SMYD1: variants seen among roughly 807,000 people sequenced by gnomAD.
The protein encoded by SMYD1 is histone-lysine N-methyltransferase SMYD1.
A neutral mutation model predicts 54.0 loss-of-function variants in SMYD1; 49 were observed. The observed-to-expected ratio is 0.91, with a 90% CI of 0.72 to 1.15. SMYD1 has a LOEUF of 1.15. Ranked by LOEUF, SMYD1 falls within the 50% of genes most tolerant of loss-of-function variation. The probability of loss-of-function intolerance (pLI) is 0.00; values close to 1 mark genes in which losing one functional copy is unlikely to be tolerated. For synonymous variants in SMYD1, 269 were observed against 234.2 expected (o/e 1.15, Z -1.36); for missense variants, 653 against 639.6 (o/e 1.02, Z -0.23).
chr2:88,105,277 T>C (rs1674834274), intron 7 of SMYD1, among the ~76,000 whole-genome samples: 1 of 152,160 alleles, frequency 6.6e-6, no homozygotes, highest in African/African-American at 2.4e-5. Context: ...GTGCTTCAGT[T>C]TTCTCATCTC....
intron 8 of SMYD1, among the ~76,000 whole-genome samples, chr2:88,107,157 C>A (rs183200099): frequency 6.6e-6 from 1 of 151,810 alleles, no homozygotes; most frequent in Non-Finnish European, 1.5e-5. Context: ...GCCTAGACTG[C>A]GCCACTGCAC....
At chr2:88,092,602 A>G (rs1219454466) in intron 4 of SMYD1, among the ~76,000 whole-genome samples, 1 of 152,212 alleles carries the variant, frequency 6.6e-6, no homozygotes, top group Non-Finnish European at 1.5e-5. Context: ...CAGGCTCTTA[A>G]GTAATTGAGA....
chr2:88,100,009 G>T (rs1387220395), intron 6 of SMYD1, among the ~76,000 whole-genome samples: 1 of 90,708 alleles, frequency 1.1e-5, no homozygotes, highest in East Asian at 3.3e-4. Context: ...TCCTCCCCCA[G>T]CCCCTCAGAT....
At chr2:88,070,942 C>T (rs1366841329) in intron 1 of SMYD1, among the ~76,000 whole-genome samples, 1 of 60,128 alleles carries the variant, frequency 1.7e-5, no homozygotes, top group Non-Finnish European at 3.1e-5. Flanking sequence ...GACTATTTCT[C>T]AAAAAAAAAA....
At chr2:88,109,016 T>C (rs907354485) in intron 9 of SMYD1, among the ~76,000 whole-genome samples, 1 of 152,136 alleles carries the variant, frequency 6.6e-6, no homozygotes, top group South Asian at 2.1e-4. Context: ...CTCCCATGAC[T>C]CAAGCACGTC....
At chr2:88,093,028 A>G (rs904240425) in intron 4 of SMYD1, among the ~76,000 whole-genome samples, 4 of 152,220 alleles carry the variant, frequency 2.6e-5, no homozygotes, top group Admixed American at 1.3e-4. Flanking sequence ...AACCCTAGAC[A>G]TGGGGTTAGG....
intron 7 of SMYD1, 83 bp downstream of exon 7, chr2:88,103,233 A>G: frequency 1.2e-6 from 1 of 805,188 alleles, no homozygotes; most frequent in African/African-American, 1.7e-5. Flanking sequence ...TGGCGTGAGA[A>G]CGGGCGGCGG....
chr2:88,098,806 A>G (rs1265939985), intron 6 of SMYD1, among the ~76,000 whole-genome samples: 2 of 152,126 alleles, frequency 1.3e-5, no homozygotes, highest in African/African-American at 4.8e-5. Flanking sequence ...ACTATCTACA[A>G]TGTCATCACA....
intron 1 of SMYD1, among the ~76,000 whole-genome samples, chr2:88,082,251 A>G (rs1272045141): frequency 1.3e-5 from 2 of 152,212 alleles, no homozygotes; most frequent in East Asian, 3.9e-4. Flanking sequence ...AGGCAAGAGT[A>G]AGGAAGCTGT....
chr2:88,096,929 C>A (rs996833254), intron 6 of SMYD1, 145 bp downstream of exon 6: 5 of 770,340 alleles, frequency 6.5e-6, no homozygotes, highest in Non-Finnish European at 8.1e-6. Flanking sequence ...GGCATGAGAG[C>A]AGAGCACCGC....
In SMYD1 at chr2:88,106,255, T is replaced by C. The variant is rs13382418; in HGVS notation, c.982-70T>C. The C allele has an allele frequency of 1.6e-3, 2,463 of 1,564,526 alleles. 43 individuals are homozygous for C. In the African/African-American group the frequency reaches 0.029, roughly 18 times the overall value. On this transcript the variant is annotated intron_variant, in intron 7 of 9. Transcript: ENST00000419482. The stretch of plus-strand genomic sequence containing the variant: ...GAATGATTGTCTGGTATCACCATGA[T>C]GGTCGCGTATGTGAATTAAACGTGT...
Position 88,108,531 on chromosome 2 carries a change from G to A in SMYD1, c.1306G>A (p.Asp436Asn). 6.3e-7 allele frequency: 1 copy of A among 1,587,100 alleles called. No individual in the cohort carries two copies. Among genetic ancestry groups the A allele is most frequent in the South Asian group, 1.2e-5 (1 of 86,516 alleles). ...THGPSHPITK[D>N]LEAMRVQTEM... Reference sequence around the variant, plus strand: ...CGGACCCTCCCACCCCATCACTAAGGACTTAGAGGCAAGTAGCGTCTTGAG... The same window carrying A: ...CGGACCCTCCCACCCCATCACTAAGAACTTAGAGGCAAGTAGCGTCTTGAG... The change falls in exon 9 of 10, where the codon GAC becomes AAC. Residue 436 changes from aspartate (D) to asparagine (N), a missense_variant. By Grantham distance (23) the Asp-to-Asn change is conservative. Transcript: ENST00000419482.
chr2:88,079,620 G>T (rs1667964276), intron 1 of SMYD1, among the ~76,000 whole-genome samples: 1 of 152,178 alleles, frequency 6.6e-6, no homozygotes, highest in African/African-American at 2.4e-5. Flanking sequence ...AGGAGTTCCA[G>T]ACTAGCCTGA....
Position 88,112,143 on chromosome 2 carries a change from C to T in SMYD1, c.*1631C>T, listed in dbSNP as rs1339297264. ...GATAGTCTTTCAAGCCCCCACATCA[C>T]AGGCTTAGGGACGGCACTAACTTTC... On this transcript the variant is annotated 3_prime_UTR_variant, in exon 10 of 10. Transcript: ENST00000419482. 20 of 703,348 alleles carry T rather than the reference C, an allele frequency of 2.8e-5. No homozygotes were observed. Among genetic ancestry groups the T allele is most frequent in the African/African-American group, 1.9e-4 (11 of 57,274 alleles). The allele number at this position is 703,348 out of a possible 1,614,324, so 43.6% of individuals were successfully genotyped here.
intron 6 of SMYD1, among the ~76,000 whole-genome samples, chr2:88,102,079 T>A (rs1674734591): frequency 6.6e-6 from 1 of 152,202 alleles, no homozygotes; most frequent in Non-Finnish European, 1.5e-5. Context: ...TTTTTAACCA[T>A]ACTTTTTAAT....
intron 1 of SMYD1, among the ~76,000 whole-genome samples, chr2:88,073,598 G>C (rs1251710232): frequency 6.6e-6 from 1 of 152,116 alleles, no homozygotes; most frequent in Non-Finnish European, 1.5e-5. Context: ...ATGTATTAAA[G>C]ACAAATTCCT....
intron 1 of SMYD1, among the ~76,000 whole-genome samples, chr2:88,077,658 A>G (rs1349290271): frequency 6.6e-6 from 1 of 151,392 alleles, no homozygotes; most frequent in Non-Finnish European, 1.5e-5. Context: ...TGGCTTTAGG[A>G]CTTCATGTTA....
chr2:88,105,735 G>T (rs1369603650), intron 7 of SMYD1, among the ~76,000 whole-genome samples: 1 of 151,984 alleles, frequency 6.6e-6, no homozygotes, highest in African/African-American at 2.4e-5. Context: ...CTCAGGAGTT[G>T]GAGACCAGCC....
chr2:88,089,583 C>CTCTTTTTTTTTTTTTTTTTTT (rs1481581789), intron 3 of SMYD1, among the ~76,000 whole-genome samples: 3 of 114,992 alleles, frequency 2.6e-5, no homozygotes, highest in Non-Finnish European at 3.5e-5. Context: ...GAGCTTCTAC[C>CTCTTTTTTTTTTTTTTTTTTT]TGTTTTTTTT....
Sources: allele counts gnomAD v4.1 joint callset (sites outside exome capture counted in the v4.1 genomes callset), GRCh38; gene constraint gnomAD v4.1.1; transcripts MANE v1.5; gene names NCBI Gene and HGNC (gene_info 2026-07-23, HGNC 2026-07-21).